GPHN: variants seen among roughly 807,000 people sequenced by gnomAD.
The protein encoded by GPHN is gephyrin.
GPHN carries 17 observed loss-of-function variants against 95.5 expected under a neutral mutation model. The observed-to-expected ratio is 0.18, with a 90% CI of 0.12 to 0.27. The LOEUF is 0.27. Ranked by LOEUF, GPHN falls within the 10% of genes least tolerant of loss-of-function variation. The pLI, the probability that GPHN is intolerant of heterozygous loss-of-function variation, is 1.00. For synonymous variants in GPHN, 320 were observed against 322.5 expected, an observed-to-expected ratio of 0.99 and a Z score of 0.08; for missense variants, 660 against 978.1, an observed-to-expected ratio of 0.67 and a Z score of 4.34.
chr14:66,602,127 T>C (rs943073148), intron 1 of GPHN, among the ~76,000 whole-genome samples: 1 of 151,936 alleles, frequency 6.6e-6, no homozygotes, highest in African/African-American at 2.4e-5. Flanking sequence ...TCAGGAAATG[T>C]TACTGCCTAC....
the GPHN span, chr14:67,320,476 T>G: frequency 7.6e-7 from 1 of 1,313,302 alleles, no homozygotes; most frequent in Admixed American, 2.7e-5. Flanking sequence ...GTAGGGAAAT[T>G]TTTTATTCAT....
At chr14:67,664,949 C>A in the GPHN span, among the ~76,000 whole-genome samples, 1 of 152,208 alleles carries the variant, frequency 6.6e-6, no homozygotes, top group Admixed American at 6.5e-5. Flanking sequence ...TCACTGCAAA[C>A]TCCAACTCCT....
chr14:66,807,409 T>C (rs528889528), intron 3 of GPHN, among the ~76,000 whole-genome samples: 1 of 152,322 alleles, frequency 6.6e-6, no homozygotes, highest in African/African-American at 2.4e-5. Flanking sequence ...AATGACTTGC[T>C]AAAGGTCACA....
chr14:66,943,650 A>G (rs1000206442), intron 8 of GPHN, among the ~76,000 whole-genome samples: 2 of 147,442 alleles, frequency 1.4e-5, no homozygotes, highest in Non-Finnish European at 3.0e-5. Flanking sequence ...AAGGCACCAC[A>G]ACTTTTATCA....
chr14:67,281,724 C>T, the GPHN span, among the ~76,000 whole-genome samples: 1 of 151,952 alleles, frequency 6.6e-6, no homozygotes, highest in Non-Finnish European at 1.5e-5. Flanking sequence ...TAGCTTCAGC[C>T]GGATTCACTT....
At chr14:67,574,579 C>T in the GPHN span, among the ~76,000 whole-genome samples, 2 of 152,144 alleles carry the variant, frequency 1.3e-5, no homozygotes, top group African/African-American at 2.4e-5. This position sits in a 1 kb window ranked among gnomAD's most constrained non-coding sequence, Gnocchi z 4.2. Context: ...AAGGTGATGG[C>T]GAGTGATTCC....
intron 4 of GPHN, among the ~76,000 whole-genome samples, chr14:66,860,732 A>T (rs2062991071): frequency 6.6e-6 from 1 of 152,092 alleles, no homozygotes; most frequent in Admixed American, 6.6e-5. Context: ...AAAGTTAAAA[A>T]GCGGGGACAC....
the GPHN span, among the ~76,000 whole-genome samples, chr14:67,601,666 G>A: frequency 6.6e-6 from 1 of 152,156 alleles, no homozygotes; most frequent in African/African-American, 2.4e-5. Context: ...ACTTTGGGAG[G>A]CTGAGGAGGG....
chr14:67,349,168 T>C, the GPHN span: 7 of 1,474,052 alleles, frequency 4.7e-6, no homozygotes, highest in African/African-American at 4.2e-5. Context: ...AGGGACCCAC[T>C]GGATAGTTTT....
chr14:66,540,197 A>G (rs1472238916), intron 1 of GPHN, among the ~76,000 whole-genome samples: 1 of 152,184 alleles, frequency 6.6e-6, no homozygotes, highest in Non-Finnish European at 1.5e-5. Flanking sequence ...CTAGAGAACA[A>G]CTTCTATTTG....
Position 66,685,084 on chromosome 14 carries a change from C to A in GPHN, c.143+3899C>A, listed in dbSNP as rs920057039. 2.6e-5 allele frequency among the ~76,000 whole-genome samples: 4 copies of A among 152,094 alleles called. No homozygotes were observed. The East Asian group carries it at 7.7e-4, about 29-fold the overall frequency. On this transcript the variant is annotated intron_variant, in intron 2 of 22. Transcript: ENST00000478722. ...TCCCTACAAAGGACGTGAACTCATC[C>A]TTTTTTATGGCTGCATAGTATTCCA...
chr14:67,096,264 C>T (rs1833563201), intron 12 of GPHN, among the ~76,000 whole-genome samples: 1 of 152,066 alleles, frequency 6.6e-6, no homozygotes, highest in African/African-American at 2.4e-5. Flanking sequence ...GTATACTTTC[C>T]CTGATAACAA....
At chr14:67,424,012 C>G in the GPHN span, among the ~76,000 whole-genome samples, 1 of 152,106 alleles carries the variant, frequency 6.6e-6, no homozygotes, top group Non-Finnish European at 1.5e-5. Flanking sequence ...CCAAGGCAGG[C>G]AGATCACCTG....
At chr14:66,999,607 G>T (rs1390569793) in intron 9 of GPHN, among the ~76,000 whole-genome samples, 1 of 151,724 alleles carries the variant, frequency 6.6e-6, no homozygotes, top group Non-Finnish European at 1.5e-5. Flanking sequence ...TATTGTGAAT[G>T]TAATGAGATC....
the GPHN span, among the ~76,000 whole-genome samples, chr14:67,664,622 G>C: frequency 5.5e-4 from 84 of 151,448 alleles, no homozygotes; most frequent in Admixed American, 3.2e-3. Flanking sequence ...TCAGCCTCCC[G>C]AGCAGCTGGG....
chr14:66,980,413 A>G (rs1005252060), intron 9 of GPHN, among the ~76,000 whole-genome samples: 4 of 152,082 alleles, frequency 2.6e-5, no homozygotes, highest in African/African-American at 9.7e-5. Context: ...TGCAAATAAT[A>G]AAAAAAATTA....
At chr14:67,530,941 C>A in the GPHN span, among the ~76,000 whole-genome samples, 6 of 152,208 alleles carry the variant, frequency 3.9e-5, no homozygotes, top group Non-Finnish European at 7.3e-5. Flanking sequence ...GCAGCTAATA[C>A]AATCATTGAA....
intron 2 of GPHN, among the ~76,000 whole-genome samples, chr14:66,748,520 C>T (rs574726483): frequency 4.6e-5 from 7 of 151,954 alleles, no homozygotes; most frequent in East Asian, 1.9e-4. Flanking sequence ...GCTACATTGA[C>T]GTATCATTAT....
the GPHN span, among the ~76,000 whole-genome samples, chr14:67,654,300 T>A: frequency 6.6e-6 from 1 of 150,802 alleles, no homozygotes; most frequent in Admixed American, 6.6e-5. Context: ...AGATGAGGTC[T>A]CGCTATAGAG....
Sources: allele counts gnomAD v4.1 joint callset (sites outside exome capture counted in the v4.1 genomes callset), GRCh38; gene constraint gnomAD v4.1.1; non-coding constraint Gnocchi (gnomAD v3.1); transcripts MANE v1.5; gene names NCBI Gene and HGNC (gene_info 2026-07-23, HGNC 2026-07-21).